Variants in FHIT observed in about 807,000 individuals in gnomAD.
FHIT encodes fragile histidine triad diadenosine triphosphatase.
FHIT carries 19 observed loss-of-function variants against 17.9 expected under a neutral mutation model. That is an observed-to-expected ratio of 1.06 (90% CI 0.74 to 1.56). The LOEUF (loss-of-function observed/expected upper bound fraction) is 1.56, where lower values mean the gene tolerates loss of function less well. FHIT is among the 40% of genes most tolerant of loss of function. FHIT has a pLI of 0.00. For synonymous variants in FHIT, 81 were observed against 69.7 expected (o/e 1.16, Z -0.81); for missense variants, 248 against 189.2 (o/e 1.31, Z -1.82).
At chr3:59,769,660 C>T (rs922122176) in intron 8 of FHIT, among the ~76,000 whole-genome samples, 10 of 151,906 alleles carry the variant, frequency 6.6e-5, no homozygotes, top group East Asian at 1.9e-4. Flanking sequence ...GCAGTACACA[C>T]GGAACGGCAG....
At chr3:60,852,005 A>T (rs1291724025) in intron 3 of FHIT, among the ~76,000 whole-genome samples, 1 of 152,160 alleles carries the variant, frequency 6.6e-6, no homozygotes, top group Non-Finnish European at 1.5e-5. Flanking sequence ...GTCGAACTTT[A>T]TTCCGAGTAT....
intron 5 of FHIT, among the ~76,000 whole-genome samples, chr3:60,302,352 C>G (rs1708489284): frequency 1.3e-5 from 2 of 152,040 alleles, no homozygotes; most frequent in African/African-American, 4.8e-5. Flanking sequence ...ATTCACAGAT[C>G]TTTTACCTCC....
chr3:60,571,930 C>A (rs950288593), intron 4 of FHIT, among the ~76,000 whole-genome samples: 1 of 152,146 alleles, frequency 6.6e-6, no homozygotes, highest in East Asian at 1.9e-4. Context: ...ATTCACCATT[C>A]AATAAACTCA....
chr3:60,285,390 A>G lies in FHIT; in HGVS notation c.103+251470T>C, dbSNP rs540080911. Among the ~76,000 whole-genome samples the G allele has an allele frequency of 3.9e-5, 6 of 152,276 alleles. No homozygotes were observed. In the South Asian group the frequency reaches 1.0e-3, roughly 26 times the overall value. On this transcript the variant is annotated intron_variant, in intron 5 of 9. Transcript: ENST00000492590. ...TCCAGTGGTCTGCCAGCCACCCATA[A>G]AAGTACATTTTTAAGTTATACTATA...
intron 5 of FHIT, among the ~76,000 whole-genome samples, chr3:60,090,424 A>C (rs1054137116): frequency 9.8e-5 from 15 of 152,340 alleles, no homozygotes; most frequent in African/African-American, 3.6e-4. Context: ...TGTTTGGTAG[A>C]AAGTCAGTCT....
chr3:61,104,900 A>G (rs2035945751), intron 2 of FHIT, among the ~76,000 whole-genome samples: 2 of 151,954 alleles, frequency 1.3e-5, no homozygotes, highest in African/African-American at 2.4e-5. Flanking sequence ...ACTATAGTGT[A>G]TTTTTCAGCT....
chr3:59,944,316 T>G (rs1706686412), intron 7 of FHIT, among the ~76,000 whole-genome samples: 1 of 152,178 alleles, frequency 6.6e-6, no homozygotes. Context: ...TAACTACCAT[T>G]GCGCTCAAGA....
At chr3:59,987,655 A>G (rs1172681167) in intron 7 of FHIT, among the ~76,000 whole-genome samples, 2 of 152,020 alleles carry the variant, frequency 1.3e-5, no homozygotes, top group African/African-American at 4.8e-5. Flanking sequence ...TTTAATTAAT[A>G]AGGAAAGCTT....
At chr3:60,065,938 C>A (rs1702482623) in intron 5 of FHIT, among the ~76,000 whole-genome samples, 1 of 152,158 alleles carries the variant, frequency 6.6e-6, no homozygotes, top group Non-Finnish European at 1.5e-5. Context: ...AATAGGGTGG[C>A]CATCTTGCAA....
chr3:61,019,292 C>T (rs987163500), intron 3 of FHIT, among the ~76,000 whole-genome samples: 8 of 152,070 alleles, frequency 5.3e-5, no homozygotes, highest in Non-Finnish European at 8.8e-5. Flanking sequence ...TTATATTAGT[C>T]GGGTTTAAAA....
At chr3:59,781,999 T>C (rs1575484614) in intron 8 of FHIT, among the ~76,000 whole-genome samples, 1 of 152,170 alleles carries the variant, frequency 6.6e-6, no homozygotes, top group African/African-American at 2.4e-5. Context: ...CTCTCAGAGA[T>C]GTCTCAGGGA....
chr3:60,740,771 AT>A (rs2042224540), intron 4 of FHIT, among the ~76,000 whole-genome samples: 1 of 152,224 alleles, frequency 6.6e-6, no homozygotes, highest in Non-Finnish European at 1.5e-5. Flanking sequence ...GCTTTTGTAA[AT>A]GAGACTAAAG....
At chr3:59,762,483 G>T (rs1175736956) in intron 8 of FHIT, among the ~76,000 whole-genome samples, 1 of 152,078 alleles carries the variant, frequency 6.6e-6, no homozygotes, top group Non-Finnish European at 1.5e-5. Flanking sequence ...ACTCAGAGTG[G>T]TATTTGTTTG....
In FHIT at chr3:60,769,338, G is replaced by C. The variant is rs897740266; in HGVS notation, c.-18+52581C>G. 6.6e-5 allele frequency among the ~76,000 whole-genome samples: 10 copies of C among 152,276 alleles called. No individual in the cohort carries two copies. In the East Asian group the frequency reaches 1.9e-3, roughly 29 times the overall value. On this transcript the variant is annotated intron_variant, in intron 4 of 9. Coordinates refer to ENST00000492590, the MANE Select transcript of FHIT (RefSeq NM_002012.4). ...AGAATATATATGTCCAGGGGTCAAAGGGGAGAGGGGAGAGCAGTGCCTTTC... is the reference window on the plus strand; with the variant it reads ...AGAATATATATGTCCAGGGGTCAAACGGGAGAGGGGAGAGCAGTGCCTTTC...
intron 8 of FHIT, among the ~76,000 whole-genome samples, chr3:59,834,887 TC>T (rs1575567049): frequency 6.6e-6 from 1 of 152,224 alleles, no homozygotes; most frequent in African/African-American, 2.4e-5. Context: ...TAAAATTTAA[TC>T]AAATCATTAG....
chr3:60,472,351 AGTATT>A (rs1168896002), intron 5 of FHIT, among the ~76,000 whole-genome samples: 1 of 151,244 alleles, frequency 6.6e-6, no homozygotes, highest in Non-Finnish European at 1.5e-5. Context: ...CATTTTGCAA[AGTATT>A]GTACAATGCT....
intron 4 of FHIT, among the ~76,000 whole-genome samples, chr3:60,546,085 C>T (rs913751218): frequency 1.3e-5 from 2 of 151,572 alleles, no homozygotes; most frequent in Non-Finnish European, 2.9e-5. Context: ...CTTACATTAG[C>T]GTGTGTTCTC....
chr3:60,315,905 G>A (rs1303880177), intron 5 of FHIT, among the ~76,000 whole-genome samples: 2 of 152,088 alleles, frequency 1.3e-5, no homozygotes, highest in Non-Finnish European at 2.9e-5. Context: ...TCTGGGCCAC[G>A]TTATCATTGT....
At chr3:61,017,544 A>T (rs1334632488) in intron 3 of FHIT, among the ~76,000 whole-genome samples, 2 of 152,246 alleles carry the variant, frequency 1.3e-5, no homozygotes, top group African/African-American at 2.4e-5. Flanking sequence ...CCGATGTATC[A>T]TTCACACAAT....
Sources: allele counts gnomAD v4.1 joint callset (sites outside exome capture counted in the v4.1 genomes callset), GRCh38; gene constraint gnomAD v4.1.1; transcripts MANE v1.5; gene names NCBI Gene and HGNC (gene_info 2026-07-23, HGNC 2026-07-21).